The following ST18 variants were observed in gnomAD, a reference collection of about 807,000 sequenced individuals.
ST18 encodes the protein ST18 C2H2C-type zinc finger transcription factor, also known as suppression of tumorigenicity 18 protein.
A neutral mutation model predicts 110.0 loss-of-function variants in ST18; 50 were observed. The ratio of observed to expected loss-of-function variants is 0.45; its 90% CI spans 0.36 to 0.58. The LOEUF is 0.58. Among genes scored for constraint, ST18 ranks in the 20% least tolerant of loss-of-function variants. The pLI is 0.00. For synonymous variants in ST18, 461 were observed against 452.4 expected (o/e 1.02, Z -0.24); for missense variants, 1,306 against 1,280.1 (o/e 1.02, Z -0.31).
At chr8:52,298,302 G>A (rs1377767577) in intron 2 of ST18, among the ~76,000 whole-genome samples, 2 of 152,178 alleles carry the variant, frequency 1.3e-5, no homozygotes, top group African/African-American at 4.8e-5. Context: ...CATCTAGCTG[G>A]TTTCAGCTAC....
chr8:52,169,708 G>C (rs1232700291), intron 10 of ST18, among the ~76,000 whole-genome samples: 1 of 152,150 alleles, frequency 6.6e-6, no homozygotes, highest in East Asian at 1.9e-4. Context: ...CGGGAACAAG[G>C]AATAGGAAAG....
At chr8:52,310,006 C>A (rs965011878) in intron 2 of ST18, among the ~76,000 whole-genome samples, 1 of 152,210 alleles carries the variant, frequency 6.6e-6, no homozygotes, top group Non-Finnish European at 1.5e-5. Flanking sequence ...TCAAGAAGTG[C>A]ACATTCTGCA....
At chr8:52,230,828 CTT>C (rs2091112978) in intron 2 of ST18, among the ~76,000 whole-genome samples, 1 of 151,838 alleles carries the variant, frequency 6.6e-6, no homozygotes, top group African/African-American at 2.4e-5. Context: ...ACTTCACCAA[CTT>C]CACCAACTCC....
chr8:52,358,598 A>G (rs557253855), intron 2 of ST18, among the ~76,000 whole-genome samples: 1 of 152,138 alleles, frequency 6.6e-6, no homozygotes, highest in East Asian at 1.9e-4. Flanking sequence ...GATAACCTCA[A>G]TGAAATGGAA....
chr8:52,395,034 C>T (rs1840626219), intron 2 of ST18, among the ~76,000 whole-genome samples: 2 of 152,186 alleles, frequency 1.3e-5, no homozygotes, highest in Non-Finnish European at 2.9e-5. Flanking sequence ...AGTCTATTAA[C>T]GTCAGTCATG....
Position 52,164,004 on chromosome 8 carries a change from C to T in ST18, c.1382G>A (p.Cys461Tyr), listed in dbSNP as rs772930467. The T allele has an allele frequency of 6.2e-7, 1 of 1,613,892 alleles. No individual in the cohort carries two copies. The highest frequency in any genetic ancestry group is 1.1e-5 in the South Asian group (1 of 91,072). Residue 461 changes from cysteine to tyrosine, a missense_variant, in exon 13 of 26, where the codon TGT becomes TAT. By Grantham distance (194) the Cys-to-Tyr change is radical. Coordinates refer to ENST00000689386, the MANE Select transcript of ST18 (RefSeq NM_001352837.2). ...NQLDSPQTGQ[C>Y]PDQAHRTSLV... ...TTCATACCTGTGGGCCTGGTCAGGACACTGCCCAGTTTGGGGAGAATCAAG... is the reference window on the plus strand; with the variant it reads ...TTCATACCTGTGGGCCTGGTCAGGATACTGCCCAGTTTGGGGAGAATCAAG...
chr8:52,291,924 T>G (rs1039527152), intron 2 of ST18, among the ~76,000 whole-genome samples: 3 of 152,112 alleles, frequency 2.0e-5, no homozygotes, highest in Non-Finnish European at 4.4e-5. Context: ...CACAGGCGCG[T>G]GCCATCACAC....
At chr8:52,406,046 A>G (rs1198717235) in intron 2 of ST18, 1 of 152,146 alleles carries the variant, frequency 6.6e-6, no homozygotes, top group Non-Finnish European at 1.5e-5. Flanking sequence ...GGCTGTCCAT[A>G]TTATATTGCC....
intron 17 of ST18, among the ~76,000 whole-genome samples, chr8:52,140,850 C>CA (rs1288715286): frequency 1.2e-4 from 19 of 152,096 alleles, no homozygotes; most frequent in East Asian, 9.7e-4. Flanking sequence ...AATCTACCTT[C>CA]AAAGGATAAA....
intron 2 of ST18, among the ~76,000 whole-genome samples, chr8:52,334,436 GA>G (rs1346843648): frequency 6.6e-6 from 1 of 152,196 alleles, no homozygotes; most frequent in Admixed American, 6.5e-5. Flanking sequence ...AATTTCCATA[GA>G]AAGATCACTC....
chr8:52,144,901 C>T (rs970702996), intron 16 of ST18, among the ~76,000 whole-genome samples: 2 of 151,988 alleles, frequency 1.3e-5, no homozygotes, highest in Non-Finnish European at 1.5e-5. Context: ...CTGATAATTC[C>T]GCCATCTACT....
At chr8:52,384,870 G>C (rs1835956979) in intron 2 of ST18, among the ~76,000 whole-genome samples, 1 of 151,590 alleles carries the variant, frequency 6.6e-6, no homozygotes, top group South Asian at 2.1e-4. Flanking sequence ...TGCCACTTTG[G>C]ATATCTTCAG....
chr8:52,212,955 G>A (rs1433499385), intron 7 of ST18, among the ~76,000 whole-genome samples: 1 of 152,192 alleles, frequency 6.6e-6, no homozygotes, highest in Non-Finnish European at 1.5e-5. Context: ...ACTCTAGCAT[G>A]CTGATATTTA....
intron 2 of ST18, among the ~76,000 whole-genome samples, chr8:52,255,867 C>G (rs1209908997): frequency 6.6e-6 from 1 of 152,236 alleles, no homozygotes; most frequent in Non-Finnish European, 1.5e-5. Context: ...AGATCTCAGT[C>G]TTCTCTTGCA....
At chr8:52,270,143 T>G (rs2095025704) in intron 2 of ST18, among the ~76,000 whole-genome samples, 1 of 152,244 alleles carries the variant, frequency 6.6e-6, no homozygotes, top group South Asian at 2.1e-4. Flanking sequence ...AGAATTTCTC[T>G]CATGGGAAAA....
intron 7 of ST18, among the ~76,000 whole-genome samples, chr8:52,212,871 C>T (rs183719012): frequency 6.6e-6 from 1 of 152,044 alleles, no homozygotes; most frequent in Non-Finnish European, 1.5e-5. Flanking sequence ...TTAAAAAAAC[C>T]CACATTTTAA....
At chr8:52,115,503 A>G (rs895834397) in intron 25 of ST18, among the ~76,000 whole-genome samples, 1 of 152,232 alleles carries the variant, frequency 6.6e-6, no homozygotes, top group Non-Finnish European at 1.5e-5. Flanking sequence ...TTCCATGTTT[A>G]GATACACAAA....
At chr8:52,246,763 T>A (rs1420444725) in intron 2 of ST18, 1 of 152,196 alleles carries the variant, frequency 6.6e-6, no homozygotes, top group Non-Finnish European at 1.5e-5. Flanking sequence ...TGTCTCAAAC[T>A]GCAAGTGAAA....
intron 2 of ST18, among the ~76,000 whole-genome samples, chr8:52,341,831 CT>C (rs2140207780): frequency 6.6e-6 from 1 of 151,502 alleles, no homozygotes; most frequent in African/African-American, 2.4e-5. Flanking sequence ...GCCCCTTAGG[CT>C]CCCAGCTCCC....
Sources: allele counts gnomAD v4.1 joint callset (sites outside exome capture counted in the v4.1 genomes callset), GRCh38; gene constraint gnomAD v4.1.1; transcripts MANE v1.5; gene names NCBI Gene and HGNC (gene_info 2026-07-23, HGNC 2026-07-21).